The following RASA2 variants were observed in gnomAD, a reference collection of about 807,000 sequenced individuals.
RASA2 encodes the protein RAS p21 protein activator 2, also known as ras GTPase-activating protein 2.
In RASA2, 155 loss-of-function variants were observed where a neutral mutation model predicts 118.2. The observed-to-expected ratio is 1.31, with a 90% CI of 1.15 to 1.50. The LOEUF (loss-of-function observed/expected upper bound fraction) is 1.50, where lower values mean the gene tolerates loss of function less well. RASA2 is among the 40% of genes most tolerant of loss of function. RASA2 has a pLI of 0.00. For missense variants in RASA2, 1,016 were observed against 1,009.6 expected (o/e 1.01, Z -0.09); for synonymous variants, 353 against 349.1 (o/e 1.01, Z -0.12).
chr3:141,545,639 G>T (rs2082474261), intron 5 of RASA2, among the ~76,000 whole-genome samples: 1 of 151,520 alleles, frequency 6.6e-6, no homozygotes, highest in African/African-American at 2.4e-5. Context: ...GTAGAGTTGG[G>T]GTTTCATCAT....
chr3:141,513,915 C>T (rs1471436172), intron 2 of RASA2, among the ~76,000 whole-genome samples: 3 of 152,080 alleles, frequency 2.0e-5, no homozygotes, highest in Non-Finnish European at 2.9e-5. Context: ...CAGAGATTCG[C>T]GTCTTCATAG....
intron 15 of RASA2, among the ~76,000 whole-genome samples, chr3:141,578,281 T>A (rs151081993): frequency 6.6e-6 from 1 of 152,228 alleles, no homozygotes; most frequent in Non-Finnish European, 1.5e-5. Context: ...TCAGTCAGTC[T>A]TTATCATCTG....
chr3:141,487,403 C>T (rs1320579572), intron 1 of RASA2, among the ~76,000 whole-genome samples, 187 bp downstream of exon 1: 3 of 147,510 alleles, frequency 2.0e-5, no homozygotes, highest in Admixed American at 2.0e-4. Flanking sequence ...GACGGGGCGG[C>T]GTGGGCCGGG....
At position 141,539,092 on chromosome 3, in the gene RASA2, G is replaced by T. The variant is rs146926029; in HGVS notation, c.451-1441G>T. On this transcript the variant is annotated intron_variant, in intron 4 of 23. Coordinates refer to ENST00000286364, the MANE Select transcript of RASA2 (RefSeq NM_006506.5). The stretch of plus-strand genomic sequence containing the variant: ...GCTAGCCAAGTAATACATACATGCT[G>T]TCACAACAGAAAATATGATTTCAAA... Among the ~76,000 whole-genome samples, 362 of 152,204 alleles carry T rather than the reference G, an allele frequency of 2.4e-3. 3 individuals carry two copies. The highest frequency in any genetic ancestry group is 8.2e-3 in the African/African-American group (339 of 41,520).
chr3:141,605,410 A>G (rs1221973204), intron 19 of RASA2, among the ~76,000 whole-genome samples: 2 of 152,168 alleles, frequency 1.3e-5, no homozygotes, highest in African/African-American at 4.8e-5. Context: ...AGTTCACTCC[A>G]GTTAACACTG....
intron 4 of RASA2, among the ~76,000 whole-genome samples, chr3:141,530,632 A>G (rs1291848754): frequency 6.6e-6 from 1 of 152,092 alleles, no homozygotes; most frequent in Non-Finnish European, 1.5e-5. Flanking sequence ...ACCACAGATA[A>G]TTTGCAAATA....
At chr3:141,592,990 AAT>A (rs1402784681) in intron 19 of RASA2, among the ~76,000 whole-genome samples, 1 of 152,002 alleles carries the variant, frequency 6.6e-6, no homozygotes, top group Non-Finnish European at 1.5e-5. Flanking sequence ...CCTTTAGCAG[AAT>A]ATATATATAG....
intron 19 of RASA2, chr3:141,590,265 A>AT (rs1374236951): frequency 9.5e-6 from 4 of 419,780 alleles, no homozygotes; most frequent in Non-Finnish European, 1.9e-5. Flanking sequence ...CTCCAGCTAA[A>AT]TGCATTTACT....
chr3:141,608,198 A>T (rs566791342), intron 20 of RASA2, among the ~76,000 whole-genome samples: 1 of 152,168 alleles, frequency 6.6e-6, no homozygotes, highest in East Asian at 1.9e-4. Flanking sequence ...CTTTTTCTTT[A>T]TACTTTTTCT....
Position 141,574,037 on chromosome 3 carries a change from C to G in RASA2, c.1453C>G (p.Leu485Val), listed in dbSNP as rs1225667352. The part of the protein sequence containing the change: ...PTVMCDIFYS[L>V]RQMATQRFPN... ...TGTAATGTGTGATATCTTTTATTCT[C>G]TAAGGCAGATGGCTACTCAGAGATT... The change falls in exon 14 of 24, where the codon CTA becomes GTA. Residue 485 changes from leucine to valine, a missense_variant. By Grantham distance (32) the Leu-to-Val change is conservative (BLOSUM62 1). Transcript: ENST00000286364. The G allele has an allele frequency of 6.5e-7, 1 of 1,539,242 alleles. No individual in the cohort carries two copies. Among genetic ancestry groups the G allele is most frequent in the South Asian group, 1.3e-5 (1 of 78,412 alleles).
intron 11 of RASA2, 136 bp from the exon 12 acceptor site, chr3:141,572,473 G>A: frequency 1.7e-6 from 1 of 587,374 alleles, no homozygotes; most frequent in East Asian, 3.2e-5. Context: ...TACTAAAATT[G>A]TAGGTCACTT....
chr3:141,610,498 T>A (rs2083633281), intron 23 of RASA2, among the ~76,000 whole-genome samples: 2 of 136,064 alleles, frequency 1.5e-5, no homozygotes, highest in African/African-American at 5.5e-5. Flanking sequence ...TATATATATT[T>A]AGTTTTTGTA....
At chr3:141,570,252 T>C (rs997327571) in intron 9 of RASA2, among the ~76,000 whole-genome samples, 6 of 151,876 alleles carry the variant, frequency 4.0e-5, no homozygotes, top group African/African-American at 1.5e-4. Context: ...TGCTCTGTCA[T>C]CCAGGCAAGC....
intron 1 of RASA2, among the ~76,000 whole-genome samples, chr3:141,507,060 CTATA>C (rs2081880486): frequency 6.6e-6 from 1 of 151,988 alleles, no homozygotes; most frequent in East Asian, 1.9e-4. Context: ...GTAGATACAA[CTATA>C]TATGGAGTTA....
intron 2 of RASA2, among the ~76,000 whole-genome samples, chr3:141,515,842 G>C (rs1285420846): frequency 2.0e-5 from 3 of 150,128 alleles, no homozygotes; most frequent in African/African-American, 7.4e-5. Flanking sequence ...GGAGGTTGTG[G>C]TGAGCTGAGA....
rs938396860 is a variant in RASA2 at position 141,613,723 on chromosome 3, G to A, written c.*1410G>A. 6.6e-6 allele frequency: 1 copy of A among 152,032 alleles called. No individual in the cohort carries two copies. Among genetic ancestry groups the A allele is most frequent in the Non-Finnish European group, 1.5e-5 (1 of 68,006 alleles). The allele number at this position is 152,032 out of a possible 1,614,324, so 9.4% of individuals were successfully genotyped here. A position where few individuals can be genotyped will look rare whatever the true frequency, so the allele number is the denominator to read the frequency against. ...GATATACTTTGCCAATTTTGTTATT[G>A]GTGGGTAATCATTTTTAAATTATAT... On this transcript the variant is annotated 3_prime_UTR_variant, in exon 24 of 24. Transcript: ENST00000286364.
rs367697979 is a variant in RASA2, at chr3:141,507,487, G to C, written c.134-4676G>C. On this transcript the variant is annotated intron_variant, in intron 1 of 23. Transcript: ENST00000286364. ...TTTTAGGATCAGAAAGACTTTTGCA[G>C]AATTGTGAAACTGTAACTTTTAGAT... Among the ~76,000 whole-genome samples, 14 of 152,136 alleles carry C rather than the reference G, an allele frequency of 9.2e-5. 1 individual carries two copies. The East Asian group carries it at 9.6e-4, about 10-fold the overall frequency.
chr3:141,597,647 AAAG>A (rs1194789116), intron 19 of RASA2, among the ~76,000 whole-genome samples: 1 of 152,214 alleles, frequency 6.6e-6, no homozygotes, highest in Non-Finnish European at 1.5e-5. Flanking sequence ...ATTTTTAAAA[AAAG>A]AAAGGATAAA....
chr3:141,489,299 G>C (rs1188316714), intron 1 of RASA2, among the ~76,000 whole-genome samples: 1 of 152,160 alleles, frequency 6.6e-6, no homozygotes, highest in African/African-American at 2.4e-5. Context: ...CCTTTTAAAT[G>C]ATGTAATCCA....
Sources: allele counts gnomAD v4.1 joint callset (sites outside exome capture counted in the v4.1 genomes callset), GRCh38; gene constraint gnomAD v4.1.1; transcripts MANE v1.5; gene names NCBI Gene and HGNC (gene_info 2026-07-23, HGNC 2026-07-21).